The following TAL1 variants were observed in gnomAD, a reference collection of about 807,000 sequenced individuals.
The protein encoded by TAL1 is T-cell acute lymphocytic leukemia protein 1.
TAL1 carries 8 observed loss-of-function variants against 17.9 expected under a neutral mutation model. The observed-to-expected ratio is 0.45, with a 90% CI of 0.26 to 0.81. The LOEUF (loss-of-function observed/expected upper bound fraction) is 0.81, where lower values mean the gene tolerates loss of function less well. Among genes scored for constraint, TAL1 ranks in the 30% least tolerant of loss-of-function variants. TAL1 has a pLI of 0.17. For synonymous variants in TAL1, 223 were observed against 218.6 expected, an observed-to-expected ratio of 1.02 and a Z score of -0.18; for missense variants, 466 against 486.9, an observed-to-expected ratio of 0.96 and a Z score of 0.40.
chr1:47,225,986 GA>G, intron 1 of TAL1, 97 bp from the exon 3 acceptor site: 2 of 1,148,770 alleles, frequency 1.7e-6, no homozygotes, highest in Non-Finnish European at 2.3e-6. Flanking sequence ...GCAGAGAGAG[GA>G]ACTCACGCAC....
chr1:47,225,597 C>T (rs1418364896), exon 2 of TAL1: 4 of 1,312,178 alleles, frequency 3.0e-6, no homozygotes, highest in Non-Finnish European at 3.9e-6. Flanking sequence ...GGGGCGGGCC[C>T]GGGAGGTCTG....
chr1:47,224,984 C>G (rs1389665529), intron 2 of TAL1, among the ~76,000 whole-genome samples: 1 of 152,224 alleles, frequency 6.6e-6, no homozygotes, highest in African/African-American at 2.4e-5. Flanking sequence ...AGATCCTTAT[C>G]TCTTGCCTGT....
chr1:47,217,685 G>A, exon 4 of TAL1: 1 of 398,628 alleles, frequency 2.5e-6, no homozygotes, highest in Non-Finnish European at 4.4e-6. Context: ...TGAAAGAAGA[G>A]GGAGCCAGAA....
At chr1:47,221,476 AC>A (rs548724037) in intron 3 of TAL1, among the ~76,000 whole-genome samples, 2 of 152,330 alleles carry the variant, frequency 1.3e-5, no homozygotes, top group South Asian at 4.1e-4. Flanking sequence ...TTCAAGACTC[AC>A]TGGGGATTTG....
At chr1:47,226,140 A>G (rs1643907587) in intron 1 of TAL1, 1 of 472,240 alleles carries the variant, frequency 2.1e-6, no homozygotes. Flanking sequence ...TGAGGGCCAA[A>G]AGGACAGAGA....
chr1:47,227,019 T>C (rs1643922941), intron 1 of TAL1: 1 of 152,200 alleles, frequency 6.6e-6, no homozygotes, highest in Admixed American at 6.5e-5. Context: ...GAATGTCAAG[T>C]CACTCACAGC....
upstream of TAL1, chr1:47,230,158 G>A (rs1643984941): frequency 6.6e-6 from 1 of 152,210 alleles, no homozygotes; most frequent in South Asian, 2.1e-4. Flanking sequence ...CGATTTTTCG[G>A]GGTTTAGACA....
At chr1:47,219,512 G>T in exon 4 of TAL1, 1 of 790,762 alleles carries the variant, frequency 1.3e-6, no homozygotes, top group Non-Finnish European at 2.1e-6. Context: ...CTACCACTTT[G>T]CTCCATTTTT....
rs536520955 is a variant in TAL1, at chr1:47,219,778, G to C, written c.938C>G (p.Thr313Arg). 8.1e-6 allele frequency: 13 copies of C among 1,611,450 alleles called. No homozygotes were observed. The highest frequency in any genetic ancestry group is 1.7e-4 in the Middle Eastern group (1 of 6,056). Residue 313 changes from threonine (T) to arginine (R), a missense_variant, in exon 4 of 4, where the codon ACG (threonine) becomes AGG (arginine). Thr to Arg is a moderately conservative substitution (Grantham distance 71). Coordinates refer to ENST00000294339, the Ensembl canonical transcript of TAL1. Reference sequence around the variant, plus strand: ...CATGGCAGGATGGAGGCTGCGGGCCGTGTGCTTGGGCGCGGGCTCCTCCGT... The same window carrying C: ...CATGGCAGGATGGAGGCTGCGGGCCCTGTGCTTGGGCGCGGGCTCCTCCGT...
chr1:47,216,592 A>C (rs1396934802), exon 4 of TAL1: 1 of 232,052 alleles, frequency 4.3e-6, no homozygotes, highest in African/African-American at 2.2e-5. Context: ...TACCATCGAA[A>C]TCACAAGTAC....
upstream of TAL1, chr1:47,229,943 A>G (rs1643979980): frequency 6.6e-6 from 1 of 152,274 alleles, no homozygotes; most frequent in Non-Finnish European, 1.5e-5. Context: ...TCCTACAGAA[A>G]TGGAGTTGGG....
At chr1:47,221,718 C>T (rs1471047871) in intron 3 of TAL1, among the ~76,000 whole-genome samples, 2 of 152,220 alleles carry the variant, frequency 1.3e-5, no homozygotes, top group East Asian at 3.8e-4. Context: ...GCTAAGACCT[C>T]ACCTAAGTCC....
exon 2 of TAL1, chr1:47,225,744 G>C (rs757320681): frequency 6.5e-7 from 1 of 1,537,360 alleles, no homozygotes; most frequent in African/African-American, 1.4e-5. Context: ...ATGACTGGGG[G>C]CTCCGCTGCG....
chr1:47,231,160 A>G (rs572657634), upstream of TAL1: 1 of 175,140 alleles, frequency 5.7e-6, no homozygotes, highest in South Asian at 2.0e-4. Context: ...CCTCCCACTC[A>G]CCAACGAACC....
chr1:47,218,570 G>T (rs1434864203), exon 4 of TAL1: 2 of 232,918 alleles, frequency 8.6e-6, no homozygotes, highest in African/African-American at 4.4e-5. Context: ...ATGTGCATAT[G>T]TTTGGGTCTT....
intron 1 of TAL1, chr1:47,228,647 TG>T (rs1256499440): frequency 5.9e-6 from 1 of 170,880 alleles, no homozygotes; most frequent in Non-Finnish European, 1.3e-5. Flanking sequence ...ACCCAGCCTC[TG>T]GTCTCTCTTC....
At chr1:47,218,403 T>C in exon 4 of TAL1, 2 of 232,874 alleles carry the variant, frequency 8.6e-6, no homozygotes, top group Non-Finnish European at 8.5e-6. Flanking sequence ...GCAGTGGTTA[T>C]TTCTTTAAAA....
chr1:47,230,677 G>T (rs1283131736), upstream of TAL1: 1 of 152,152 alleles, frequency 6.6e-6, no homozygotes, highest in Non-Finnish European at 1.5e-5. Context: ...TTGTTCTCCC[G>T]CCAAAGGAGC....
intron 1 of TAL1, 192 bp downstream of exon 2, chr1:47,229,004 A>C (rs1643958791): frequency 5.8e-6 from 1 of 171,638 alleles, no homozygotes; most frequent in South Asian, 2.0e-4. Context: ...GGAAAAGGGA[A>C]AAAGCCGCTG....
Sources: allele counts gnomAD v4.1 joint callset (sites outside exome capture counted in the v4.1 genomes callset), GRCh38; gene constraint gnomAD v4.1.1; transcripts MANE v1.5; gene names NCBI Gene and HGNC (gene_info 2026-07-23, HGNC 2026-07-21).